FHIT: variants seen among roughly 807,000 people sequenced by gnomAD.
FHIT encodes the protein fragile histidine triad diadenosine triphosphatase.
Under a neutral mutation model 17.9 loss-of-function variants are expected in FHIT, and 19 were observed. The observed-to-expected ratio is 1.06, with a 90% CI of 0.74 to 1.56. FHIT has a LOEUF of 1.56. Among genes scored for constraint, FHIT ranks in the 40% most tolerant of loss-of-function variants. The pLI is 0.00. For synonymous variants in FHIT, 81 were observed against 69.7 expected, an observed-to-expected ratio of 1.16 and a Z score of -0.81; for missense variants, 248 against 189.2, an observed-to-expected ratio of 1.31 and a Z score of -1.82.
chr3:60,424,275 G>A (rs369060537), intron 5 of FHIT, among the ~76,000 whole-genome samples: 3 of 152,070 alleles, frequency 2.0e-5, no homozygotes, highest in Non-Finnish European at 2.9e-5. Flanking sequence ...ACTACCCTGC[G>A]TCTCAATACA....
At chr3:60,044,492 C>A (rs1344031554) in intron 5 of FHIT, among the ~76,000 whole-genome samples, 3 of 152,144 alleles carry the variant, frequency 2.0e-5, no homozygotes, top group Non-Finnish European at 4.4e-5. Context: ...CCCTTTTCTA[C>A]TCCCAGCACT....
chr3:59,906,746 A>G (rs1051800490), intron 8 of FHIT, among the ~76,000 whole-genome samples: 4 of 152,244 alleles, frequency 2.6e-5, no homozygotes, highest in Admixed American at 6.5e-5. Flanking sequence ...GAATGATGCT[A>G]TTGTTGTCAC....
At chr3:60,090,231 G>T (rs553279739) in intron 5 of FHIT, among the ~76,000 whole-genome samples, 1 of 152,170 alleles carries the variant, frequency 6.6e-6, no homozygotes, top group Non-Finnish European at 1.5e-5. Context: ...CAAAGAGACT[G>T]CATGGTTTCC....
chr3:61,247,495 G>C (rs2040516069), intron 1 of FHIT, among the ~76,000 whole-genome samples: 1 of 152,140 alleles, frequency 6.6e-6, no homozygotes, highest in East Asian at 1.9e-4. Flanking sequence ...TTTAAATCAA[G>C]GATTTAATAT....
intron 1 of FHIT, among the ~76,000 whole-genome samples, chr3:61,222,429 C>T (rs2039864215): frequency 6.6e-6 from 1 of 152,146 alleles, no homozygotes; most frequent in Admixed American, 6.5e-5. Context: ...GTCACAAATG[C>T]CTGCTGGCTC....
chr3:59,795,917 T>C (rs1364520351), intron 8 of FHIT, among the ~76,000 whole-genome samples: 2 of 152,152 alleles, frequency 1.3e-5, no homozygotes, highest in Non-Finnish European at 2.9e-5. Flanking sequence ...TCAGCGTTGA[T>C]GGAACACACA....
At chr3:60,304,044 T>G (rs1177956802) in intron 5 of FHIT, among the ~76,000 whole-genome samples, 1 of 152,166 alleles carries the variant, frequency 6.6e-6, no homozygotes, top group African/African-American at 2.4e-5. Flanking sequence ...GACCTGCACC[T>G]TGGCTCTTGC....
rs113184064 is a variant in FHIT at position 60,362,918 on chromosome 3, C to A, written c.103+173942G>T. ...AGAAGTTAAATCACCATAACAATGA[C>A]CATAAGCAGCAGAGAACTTCAGAAG... On this transcript the variant is annotated intron_variant, in intron 5 of 9. Transcript: ENST00000492590. Among the ~76,000 whole-genome samples the A allele has an allele frequency of 5.3e-3, 800 of 152,252 alleles. 6 individuals are homozygous for A. Among genetic ancestry groups the A allele is most frequent in the South Asian group, 0.02 (97 of 4,818 alleles).
At chr3:61,036,484 A>C (rs559836035) in intron 3 of FHIT, among the ~76,000 whole-genome samples, 2 of 152,302 alleles carry the variant, frequency 1.3e-5, no homozygotes, top group Admixed American at 1.3e-4. Flanking sequence ...CTTATCATTG[A>C]AGGGGCTGAA....
intron 5 of FHIT, among the ~76,000 whole-genome samples, chr3:60,415,439 C>G (rs183777118): frequency 1.3e-5 from 2 of 152,030 alleles, no homozygotes; most frequent in African/African-American, 4.8e-5. Flanking sequence ...TGTGAAGCTA[C>G]GACAATCATT....
At chr3:60,307,542 T>C (rs1157845997) in intron 5 of FHIT, among the ~76,000 whole-genome samples, 1 of 151,790 alleles carries the variant, frequency 6.6e-6, no homozygotes, top group Non-Finnish European at 1.5e-5. Flanking sequence ...ATATTTACTT[T>C]GAGTGTGTTT....
At chr3:60,556,525 T>G (rs2036744729) in intron 4 of FHIT, among the ~76,000 whole-genome samples, 1 of 152,218 alleles carries the variant, frequency 6.6e-6, no homozygotes, top group Non-Finnish European at 1.5e-5. Flanking sequence ...GACCTGCATT[T>G]GCTCATTTAA....
chr3:60,345,020 T>C (rs1249607489), intron 5 of FHIT, among the ~76,000 whole-genome samples: 2 of 152,208 alleles, frequency 1.3e-5, no homozygotes, highest in African/African-American at 4.8e-5. Flanking sequence ...ATAAACACTA[T>C]AAATTGCTTT....
Position 61,083,262 on chromosome 3 carries a change from C to T in FHIT, c.-163-41163G>A, listed in dbSNP as rs372780654. ...TATCCACAGAGTTGTGTAACAATCA[C>T]TACAATCCAATTTTAGAACATTCTA... On this transcript the variant is annotated intron_variant, in intron 2 of 9. Transcript: ENST00000492590. 3.3e-5 allele frequency among the ~76,000 whole-genome samples: 5 copies of T among 152,164 alleles called. No individual in the cohort carries two copies. The East Asian group carries it at 9.6e-4, about 29-fold the overall frequency.
chr3:60,345,485 A>G (rs756058994), intron 5 of FHIT, among the ~76,000 whole-genome samples: 39 of 152,156 alleles, frequency 2.6e-4, no homozygotes, highest in Non-Finnish European at 5.1e-4. Context: ...CTATGTGGAT[A>G]CTCTCCTTGC....
intron 4 of FHIT, among the ~76,000 whole-genome samples, chr3:60,658,029 CCTAT>C (rs782137967): frequency 5.9e-5 from 9 of 152,072 alleles, no homozygotes; most frequent in Non-Finnish European, 7.4e-5. Context: ...ACCATCACCA[CCTAT>C]CTATCTCCAG....
chr3:60,133,764 G>C (rs1311148552), intron 5 of FHIT, among the ~76,000 whole-genome samples: 5 of 150,642 alleles, frequency 3.3e-5, no homozygotes, highest in Admixed American at 3.3e-4. Flanking sequence ...CCTAAAAGAG[G>C]AAGCATTTCA....
At chr3:59,914,043 T>C (rs1321146291) in intron 8 of FHIT, among the ~76,000 whole-genome samples, 3 of 152,170 alleles carry the variant, frequency 2.0e-5, no homozygotes, top group Admixed American at 6.5e-5. Context: ...AGAAATCTAA[T>C]GCATGATACA....
chr3:59,963,546 A>G (rs919537629), intron 7 of FHIT, among the ~76,000 whole-genome samples: 5 of 152,212 alleles, frequency 3.3e-5, no homozygotes, highest in Admixed American at 2.6e-4. Flanking sequence ...GATAGGGATG[A>G]GAAGAAAAAT....
Sources: gnomAD v4.1 joint callset for allele counts (sites outside exome capture counted in the v4.1 genomes callset) on GRCh38, gnomAD v4.1.1 for gene constraint, MANE v1.5 for transcripts, NCBI Gene and HGNC (gene_info 2026-07-23, HGNC 2026-07-21) for gene names.